Variants in SAGE1 observed in about 807,000 individuals in gnomAD.
SAGE1 encodes the protein cancer/testis antigen 14.
A neutral mutation model predicts 55.4 loss-of-function variants in SAGE1; 55 were observed. The ratio of observed to expected loss-of-function variants is 0.99; its 90% confidence interval spans 0.80 to 1.24. The LOEUF (loss-of-function observed/expected upper bound fraction) is 1.24, where lower values mean the gene tolerates loss of function less well. SAGE1 is among the 50% of genes most tolerant of loss of function. SAGE1 has a pLI of 0.00. For synonymous variants in SAGE1, 240 were observed against 244.3 expected, an observed-to-expected ratio of 0.98 and a Z score of 0.17; for missense variants, 710 against 704.4, an observed-to-expected ratio of 1.01 and a Z score of -0.09.
intron 13 of SAGE1, 90 bp downstream of exon 13, chrX:135,909,094 C>T: frequency 1.2e-6 from 1 of 818,912 alleles, no homozygotes; most frequent in Non-Finnish European, 1.8e-6. Context: ...GTAGTATATT[C>T]TTTCCTAACC....
rs1341701020 is a variant in SAGE1 at position 135,907,933 on chromosome X, T to C, written c.1159+92T>C. The C allele has an allele frequency of 5.6e-6, 6 of 1,075,593 alleles. No homozygotes were observed. The African/African-American group carries it at 9.3e-5, about 17-fold the overall frequency. The allele number at this position is 1,075,593 out of a possible 1,213,427, so 88.6% of individuals were successfully genotyped here. On this transcript the variant is annotated intron_variant, in intron 10 of 19. Coordinates refer to ENST00000370709, the MANE Select transcript of SAGE1 (RefSeq NM_001381902.1). Reference sequence around the variant, plus strand: ...AAGAAGACGGTATTGTTGTATTATGTTTTCTGGCCTCAATTTTAGGGTTTT... The same window carrying C: ...AAGAAGACGGTATTGTTGTATTATGCTTTCTGGCCTCAATTTTAGGGTTTT...
At chrX:135,911,457 C>A in intron 17 of SAGE1, 122 bp from the exon 18 acceptor site, 1 of 878,295 alleles carries the variant, frequency 1.1e-6, no homozygotes, top group Non-Finnish European at 1.6e-6. Context: ...TCTTGGATCA[C>A]CACCTGGTGT....
intron 11 of SAGE1, 67 bp downstream of exon 11, chrX:135,908,296 G>C: frequency 9.2e-7 from 1 of 1,090,931 alleles, no homozygotes; most frequent in South Asian, 2.0e-5. Context: ...ATAAATGGAA[G>C]AATGTGGTTT....
chrX:135,896,175 G>A, intron 1 of SAGE1, 68 bp from the exon 2 acceptor site: 1 of 777,089 alleles, frequency 1.3e-6, no homozygotes, highest in Non-Finnish European at 2.0e-6. Flanking sequence ...TTATGTGCCA[G>A]TTACGTTCCA....
rs1556602564 is a variant in SAGE1, at chrX:135,907,462, G to A, written c.1018+9G>A. On this transcript the variant is annotated intron_variant, in intron 9 of 19. Coordinates refer to ENST00000370709, the MANE Select transcript of SAGE1 (RefSeq NM_001381902.1). The stretch of plus-strand genomic sequence containing the variant: ...GAATACCAGGGATCAGTGTATGTTT[G>A]TTTACTAGTTGTAGTGTCCTAGTTG... The A allele has an allele frequency of 3.4e-6, 4 of 1,193,064 alleles. No individual in the cohort carries two copies. Among genetic ancestry groups the A allele is most frequent in the Admixed American group, 2.2e-5 (1 of 45,174 alleles).
Position 135,906,480 on chromosome X carries a change from T to A in SAGE1, c.665T>A (p.Leu222Ter). The change falls in exon 7 of 20, where the codon TTG (leucine) becomes TAG (stop). Residue 222 changes from leucine (L) to a stop codon, truncating the protein, a stop_gained. Transcript: ENST00000370709. LOFTEE classifies it high-confidence loss of function. ...ENVQPAPDNVLLTLRPRRINM... is the reference protein window; with the variant it reads ...ENVQPAPDNV ...GTCCAACCAGCACCTGATAACGTGT[T>A]GTTGACTCTTCGACCACGGCGTATT... The A allele has an allele frequency of 8.3e-7, 1 of 1,209,600 alleles. No individual in the cohort carries two copies. The highest frequency in any genetic ancestry group is 1.8e-5 in the South Asian group (1 of 56,918).
rs2088794703 is a variant in SAGE1, at chrX:135,906,562, T to C, written c.736+11T>C. The stretch of plus-strand genomic sequence containing the variant: ...GTACCAGGGATCCATGTAAGTTTGT[T>C]TATTTGTATTACTGTCCTACTTGGT... On this transcript the variant is annotated intron_variant, in intron 7 of 19. Coordinates refer to ENST00000370709, the MANE Select transcript of SAGE1 (RefSeq NM_001381902.1). 1 of 993,989 alleles carries C rather than the reference T, an allele frequency of 1.0e-6. No individual in the cohort carries two copies. Among genetic ancestry groups the C allele is most frequent in the African/African-American group, 1.9e-5 (1 of 52,071 alleles). The allele number at this position is 993,989 out of a possible 1,213,427, so 81.9% of individuals were successfully genotyped here.
chrX:135,911,258 C>G lies in SAGE1; in HGVS notation c.2072C>G (p.Ser691Cys), dbSNP rs782511869. 2.4e-5 allele frequency: 29 copies of G among 1,206,969 alleles called. No homozygotes were observed. The highest frequency in any genetic ancestry group is 3.0e-5 in the Non-Finnish European group (27 of 892,676). Residue 691 changes from serine (S) to cysteine (C), a missense_variant, in exon 17 of 20, where the codon TCC becomes TGC. Coordinates refer to ENST00000370709, the MANE Select transcript of SAGE1 (RefSeq NM_001381902.1). ...AATGGCCAACAGGCACCTGATAACT[C>G]CTTGTCAACGGTTCCACCTGGTTGT... The part of the protein sequence containing the change: ...MTNGQQAPDN[S>C]LSTVPPGCIN...
intron 19 of SAGE1, 118 bp from the exon 20 acceptor site, chrX:135,912,680 A>C: frequency 9.0e-7 from 1 of 1,113,017 alleles, no homozygotes. Context: ...TCTTTCAATG[A>C]GGATGCATTT....
rs782812888 is a variant in SAGE1, at chrX:135,901,649, A to G, written c.178A>G (p.Lys60Glu). The stretch of plus-strand genomic sequence containing the variant: ...AAAATCCAAGAGACACTCTTCATCT[A>G]AGAGAAGGAAGAGTATGTCCTCGTG... Reference protein sequence around the residue: ...SRKSKRHSSSKRRKSMSSWLD... With the variant: ...SRKSKRHSSSERRKSMSSWLD... Residue 60 changes from lysine to glutamate, a missense_variant, in exon 3 of 20, where the codon AAG (lysine) becomes GAG (glutamate). Physicochemically the swap from Lys to Glu is moderately conservative, Grantham distance 56. Coordinates refer to ENST00000370709, the MANE Select transcript of SAGE1 (RefSeq NM_001381902.1). The G allele has an allele frequency of 3.9e-5, 47 of 1,204,843 alleles. No individual in the cohort carries two copies. The South Asian group carries it at 7.8e-4, about 20-fold the overall frequency.
chrX:135,902,554 G>T (rs1306266271), intron 3 of SAGE1, among the ~76,000 whole-genome samples: 1 of 112,165 alleles, frequency 8.9e-6, no homozygotes, highest in Non-Finnish European at 1.9e-5. Flanking sequence ...ACAGTTTGCA[G>T]CTATCCATCG....
At chrX:135,896,848 C>T (rs1402640460) in intron 2 of SAGE1, among the ~76,000 whole-genome samples, 6 of 111,293 alleles carry the variant, frequency 5.4e-5, no homozygotes, top group South Asian at 3.8e-4. Context: ...CATGAGCCAC[C>T]GCACCTGGCC....
intron 18 of SAGE1, 149 bp from the exon 19 acceptor site, chrX:135,912,172 A>G: frequency 9.2e-7 from 1 of 1,091,157 alleles, no homozygotes; most frequent in Non-Finnish European, 1.2e-6. Flanking sequence ...CCTTAGTAAT[A>G]TACAGATGTC....
rs782749871 is a variant in SAGE1 at position 135,907,377 on chromosome X, C to T, written c.942C>T (p.Asn314=). 8.3e-6 allele frequency: 10 copies of T among 1,206,349 alleles called. No homozygotes were observed. Among genetic ancestry groups the T allele is most frequent in the African/African-American group, 5.2e-5 (3 of 57,663 alleles). The change falls in exon 9 of 20, where the codon AAC becomes AAT. Residue 314 remains asparagine, a synonymous_variant. Transcript: ENST00000370709. ...AAAATGACCAACCGCAACCTAATAA[C>T]GTATTGTCAACTGTTCAACCAGTGA... ...KMENDQPQPN[N]VLSTVQPVII...
At chrX:135,905,206 C>T in intron 4 of SAGE1, 46 bp from the exon 5 acceptor site, 1 of 1,156,270 alleles carries the variant, frequency 8.6e-7, no homozygotes. Flanking sequence ...GTTCAATTGT[C>T]ATAATGCACA....
intron 6 of SAGE1, 37 bp from the exon 7 acceptor site, chrX:135,906,374 C>T (rs1250746087): frequency 8.4e-7 from 1 of 1,196,323 alleles, no homozygotes; most frequent in Non-Finnish European, 1.1e-6. Flanking sequence ...GCATAATGCA[C>T]TTACCTCACA....
At position 135,912,795 on chromosome X, in the gene SAGE1, C is replaced by A; in HGVS notation, c.2616-3C>A. On this transcript the variant is annotated splice_region_variant and splice_polypyrimidine_tract_variant and intron_variant, in intron 19 of 19. Coordinates refer to ENST00000370709, the MANE Select transcript of SAGE1 (RefSeq NM_001381902.1). Reference sequence around the variant, plus strand: ...GGTGAATGGAATACCTCTTTAATTTCAGGTTTAAAAAAGTTGTCTTAATTC... The same window carrying A: ...GGTGAATGGAATACCTCTTTAATTTAAGGTTTAAAAAAGTTGTCTTAATTC... 3.3e-6 allele frequency: 4 copies of A among 1,207,736 alleles called. No homozygotes were observed. The highest frequency in any genetic ancestry group is 4.5e-6 in the Non-Finnish European group (4 of 892,640).
rs372283658 is a variant in SAGE1, at chrX:135,907,768, C to T, written c.1086C>T (p.Ala362=). The T allele has an allele frequency of 3.0e-5, 36 of 1,206,935 alleles. No homozygotes were observed. In the African/African-American group the frequency reaches 4.6e-4, roughly 15 times the overall value. Residue 362 remains alanine (A), a synonymous_variant, in exon 10 of 20, where the codon GCC becomes GCT. Transcript: ENST00000370709. ...VVNNQPLPSN[A]LSTVLPGLAY... ...ATAACCAACCACTACCTAGTAACGC[C>T]TTGTCAACTGTTCTACCAGGGCTTG...
chrX:135,911,358 T>C (rs111286267), intron 17 of SAGE1, 26 bp downstream of exon 17: 11 of 1,189,827 alleles, frequency 9.2e-6, no homozygotes, highest in African/African-American at 8.8e-5. Flanking sequence ...GGTTGTACTG[T>C]CCTACTTGGT....
Sources: allele counts gnomAD v4.1 joint callset (sites outside exome capture counted in the v4.1 genomes callset), GRCh38; gene constraint gnomAD v4.1.1; transcripts MANE v1.5; gene names NCBI Gene and HGNC (gene_info 2026-07-23, HGNC 2026-07-21).